ABCA13: variants seen among roughly 807,000 people sequenced by gnomAD.
ABCA13 encodes ATP binding cassette subfamily A member 13, also known as ATP-binding cassette sub-family A member 13.
ABCA13 carries 476 observed loss-of-function variants against 478.7 expected under a neutral mutation model. That is an observed-to-expected ratio of 0.99 (90% CI 0.92 to 1.07). ABCA13 has a LOEUF of 1.07. Among genes scored for constraint, ABCA13 ranks in the 50% least tolerant of loss-of-function variants. ABCA13 has a pLI of 0.00. For missense variants in ABCA13, 6,060 were observed against 5,910.6 expected, an observed-to-expected ratio of 1.03 and a Z score of -0.83; for synonymous variants, 2,252 against 2,158.9, an observed-to-expected ratio of 1.04 and a Z score of -1.20.
intron 55 of ABCA13, among the ~76,000 whole-genome samples, chr7:48,535,360 C>T (rs375911823): frequency 5.3e-5 from 8 of 152,158 alleles, no homozygotes; most frequent in African/African-American, 1.4e-4. Flanking sequence ...GTGATGTGAT[C>T]CATCTTCAGG....
intron 48 of ABCA13, among the ~76,000 whole-genome samples, chr7:48,501,000 G>A (rs1279181532): frequency 5.3e-5 from 8 of 152,188 alleles, no homozygotes; most frequent in Non-Finnish European, 8.8e-5. Context: ...TCCGTTCTGT[G>A]AAGGAAGAGG....
chr7:48,561,067 G>T (rs1786403786), intron 55 of ABCA13, among the ~76,000 whole-genome samples: 1 of 151,960 alleles, frequency 6.6e-6, no homozygotes. Context: ...GTATTCCATT[G>T]TATGTATATG....
chr7:48,275,044 T>C lies in ABCA13; in HGVS notation c.5378T>C (p.Ile1793Thr), dbSNP rs1437094633. ...AATATCACCAAGGAAGACTTCGCAA[T>C]TGTGATAAAAATTCTTTTGGATACA... ...ISNITKEDFA[I>T]VIKILLDTIE... is the part of the protein sequence containing the mutation. The change falls in exon 17 of 62, where the codon ATT becomes ACT. Residue 1793 changes from isoleucine to threonine, a missense_variant. Transcript: ENST00000435803. 4 of 1,613,718 alleles carry C rather than the reference T, an allele frequency of 2.5e-6. No homozygotes were observed. Among genetic ancestry groups the C allele is most frequent in the Admixed American group, 1.7e-5 (1 of 59,946 alleles).
chr7:48,294,368 C>G (rs998814371), intron 20 of ABCA13, among the ~76,000 whole-genome samples: 10 of 150,944 alleles, frequency 6.6e-5, no homozygotes, highest in African/African-American at 2.2e-4. Flanking sequence ...TGACCAACAT[C>G]TTCATTCCTC....
At chr7:48,400,972 T>A (rs1817521281) in intron 38 of ABCA13, among the ~76,000 whole-genome samples, 1 of 152,218 alleles carries the variant, frequency 6.6e-6, no homozygotes, top group African/African-American at 2.4e-5. Flanking sequence ...CCAGTCCATG[T>A]GGGGGGTGAG....
In ABCA13 at chr7:48,597,655, G is replaced by C. The variant is rs115940131; in HGVS notation, c.14744+2842G>C. Among the ~76,000 whole-genome samples, 1,308 of 152,134 alleles carry C rather than the reference G, an allele frequency of 8.6e-3. 19 individuals carry two copies. The highest frequency in any genetic ancestry group is 0.03 in the African/African-American group (1,244 of 41,492). ...TCATTATAGGCATCCTAGTGAAGTG[G>C]GGTTTTAATTCACATTTTCCTAAGG... is the stretch of plus-strand genomic sequence containing the variant. On this transcript the variant is annotated intron_variant, in intron 58 of 61. Coordinates refer to ENST00000435803, the MANE Select transcript of ABCA13 (RefSeq NM_152701.5).
chr7:48,556,897 A>G (rs1184611726), intron 55 of ABCA13, among the ~76,000 whole-genome samples: 2 of 151,720 alleles, frequency 1.3e-5, no homozygotes, highest in Non-Finnish European at 2.9e-5. Context: ...CCTTTATTGA[A>G]GATGATTTTC....
intron 33 of ABCA13, among the ~76,000 whole-genome samples, chr7:48,373,457 C>T (rs1296079430): frequency 6.6e-6 from 1 of 152,216 alleles, no homozygotes; most frequent in Non-Finnish European, 1.5e-5. Flanking sequence ...CTGGTTTCTA[C>T]TAGCCATATG....
chr7:48,202,890 C>G (rs995053383), intron 3 of ABCA13, among the ~76,000 whole-genome samples: 2 of 148,228 alleles, frequency 1.3e-5, no homozygotes, highest in Non-Finnish European at 1.5e-5. Flanking sequence ...GAGCTGCCTG[C>G]CAGTCCCGGT....
At chr7:48,574,652 T>A (rs1273660497) in intron 55 of ABCA13, among the ~76,000 whole-genome samples, 1 of 152,172 alleles carries the variant, frequency 6.6e-6, no homozygotes, top group Non-Finnish European at 1.5e-5. Context: ...TGAATCTCAA[T>A]TTTTATCTCT....
intron 42 of ABCA13, among the ~76,000 whole-genome samples, chr7:48,437,088 G>T (rs532427422): frequency 2.0e-5 from 3 of 151,876 alleles, no homozygotes; most frequent in African/African-American, 7.2e-5. Context: ...AGTCTATCTG[G>T]TTATTCTATC....
intron 55 of ABCA13, among the ~76,000 whole-genome samples, chr7:48,559,855 T>C (rs1172260496): frequency 1.3e-5 from 2 of 152,174 alleles, no homozygotes; most frequent in Non-Finnish European, 2.9e-5. Context: ...ATTGGAGGCC[T>C]CATGAATTTG....
At chr7:48,372,581 C>T in intron 33 of ABCA13, 84 bp downstream of exon 33, 1 of 1,146,926 alleles carries the variant, frequency 8.7e-7, no homozygotes, top group Non-Finnish European at 1.2e-6. Flanking sequence ...ACCACTCTCA[C>T]TTTTTCAATT....
Position 48,441,598 on chromosome 7 carries a change from A to C in ABCA13, c.12566-13439A>C, listed in dbSNP as rs201850496. 7.2e-5 allele frequency among the ~76,000 whole-genome samples: 11 copies of C among 152,314 alleles called. No individual in the cohort carries two copies. The East Asian group carries it at 2.1e-3, about 29-fold the overall frequency. The stretch of plus-strand genomic sequence containing the variant: ...TATGAAGACCGATGCCTGCAACTGC[A>C]CTTTTGTCCTTGTCTCTGCACCGCA... On this transcript the variant is annotated intron_variant, in intron 42 of 61. Transcript: ENST00000435803.
At chr7:48,237,984 T>C (rs187840023) in intron 8 of ABCA13, among the ~76,000 whole-genome samples, 2 of 152,344 alleles carry the variant, frequency 1.3e-5, no homozygotes, top group Admixed American at 1.3e-4. Context: ...CCCTGTGCTT[T>C]GACAGTCACA....
At chr7:48,466,829 T>A in intron 43 of ABCA13, 127 bp from the exon 44 acceptor site, 1 of 858,408 alleles carries the variant, frequency 1.2e-6, no homozygotes, top group Non-Finnish European at 2.0e-6. Flanking sequence ...GTATCTCACT[T>A]ACTAGGAATC....
chr7:48,526,596 A>T (rs1291925926), intron 54 of ABCA13, among the ~76,000 whole-genome samples: 1 of 152,202 alleles, frequency 6.6e-6, no homozygotes, highest in Admixed American at 6.5e-5. Context: ...TACATGGTAT[A>T]GCCTACGACA....
chr7:48,344,830 A>G (rs1053423168), intron 29 of ABCA13, among the ~76,000 whole-genome samples: 3 of 152,148 alleles, frequency 2.0e-5, no homozygotes, highest in Non-Finnish European at 4.4e-5. Context: ...AAAGTGATGG[A>G]ACATGCAGTT....
chr7:48,413,700 G>A (rs1490409916), intron 41 of ABCA13, among the ~76,000 whole-genome samples: 1 of 152,202 alleles, frequency 6.6e-6, no homozygotes, highest in Non-Finnish European at 1.5e-5. Context: ...TCTTTTGTGT[G>A]ATAAATCAGT....
Sources: gnomAD v4.1 joint callset for allele counts (sites outside exome capture counted in the v4.1 genomes callset) on GRCh38, gnomAD v4.1.1 for gene constraint, MANE v1.5 for transcripts, NCBI Gene and HGNC (gene_info 2026-07-23, HGNC 2026-07-21) for gene names.